The following LRP1B variants were observed in gnomAD, a reference collection of about 807,000 sequenced individuals.
LRP1B encodes low-density lipoprotein receptor-related protein 1B.
LRP1B carries 217 observed loss-of-function variants against 556.6 expected under a neutral mutation model. The observed-to-expected ratio is 0.39, with a 90% confidence interval of 0.35 to 0.44. LRP1B has a LOEUF of 0.44. LRP1B is among the 20% of genes least tolerant of loss of function. LRP1B has a pLI of 1.00. For missense variants in LRP1B, 5,053 were observed against 5,620.8 expected (o/e 0.90, Z 3.23); for synonymous variants, 2,047 against 1,865.8 (o/e 1.10, Z -2.50).
intron 1 of LRP1B, among the ~76,000 whole-genome samples, chr2:141,870,347 A>G (rs1698543414): frequency 1.3e-5 from 2 of 151,854 alleles, no homozygotes; most frequent in Admixed American, 1.3e-4. Context: ...GAGCTGCATC[A>G]TTGATTCTAG....
In LRP1B at chr2:142,130,923, G is replaced by A; in HGVS notation, c.-194C>T. The A allele has an allele frequency of 3.2e-6, 2 of 625,900 alleles. No homozygotes were observed. Among genetic ancestry groups the A allele is most frequent in the South Asian group, 3.5e-5 (2 of 56,684 alleles). 38.8% of individuals were successfully genotyped at this position (625,900 alleles called of 1,614,324 possible). On this transcript the variant is annotated 5_prime_UTR_variant, in exon 1 of 91. Transcript: ENST00000389484. ...TGCCTGGAGCAGGATGTGGAAGGTG[G>A]AGGGATGCGCGCGTGCGGGAGAGAG...
intron 2 of LRP1B, among the ~76,000 whole-genome samples, chr2:141,749,405 T>A (rs532657122): frequency 6.6e-6 from 1 of 151,948 alleles, no homozygotes; most frequent in South Asian, 2.1e-4. Flanking sequence ...AAGTCAAGAG[T>A]GCTGTCTGAT....
chr2:140,315,053 T>C lies in LRP1B; in HGVS notation c.12687A>G (p.Leu4229=). The C allele has an allele frequency of 6.2e-7, 1 of 1,611,422 alleles. No homozygotes were observed. Among genetic ancestry groups the C allele is most frequent in the Non-Finnish European group, 8.5e-7 (1 of 1,178,602 alleles). The change falls in exon 83 of 91, where the codon TTA becomes TTG. Residue 4229 remains leucine, a synonymous_variant. Coordinates refer to ENST00000389484, the MANE Select transcript of LRP1B (RefSeq NM_018557.3). ...GACACCTCAAATCACCTTTCTCATT[T>C]AAAATGCATCTTCCTCCATTTTCAC... ...LTCENGGRCI[L]NEKGDLRCHC...
intron 1 of LRP1B, among the ~76,000 whole-genome samples, chr2:142,023,058 G>A (rs1210098329): frequency 6.6e-6 from 1 of 152,180 alleles, no homozygotes; most frequent in African/African-American, 2.4e-5. Flanking sequence ...GGCTCAAACA[G>A]CTAGCACATC....
intron 1 of LRP1B, among the ~76,000 whole-genome samples, chr2:142,107,794 A>ATTTTTTTTT (rs67962280): frequency 8.9e-3 from 981 of 110,456 alleles, no homozygotes; most frequent in African/African-American, 0.012. Context: ...CGCCTAGCTA[A>ATTTTTTTTT]TTTTTTTTTT....
At chr2:141,664,446 T>C (rs1233819742) in intron 2 of LRP1B, among the ~76,000 whole-genome samples, 1 of 152,178 alleles carries the variant, frequency 6.6e-6, no homozygotes, top group Non-Finnish European at 1.5e-5. Context: ...CATGATCCTA[T>C]ATCTAGAAAA....
chr2:141,290,830 T>A (rs1256760763), intron 3 of LRP1B, among the ~76,000 whole-genome samples: 1 of 152,132 alleles, frequency 6.6e-6, no homozygotes, highest in African/African-American at 2.4e-5. Flanking sequence ...GATTAATTTC[T>A]AAGTTCACAT....
intron 1 of LRP1B, among the ~76,000 whole-genome samples, chr2:142,046,176 C>T (rs766727731): frequency 1.3e-5 from 2 of 151,886 alleles, no homozygotes; most frequent in African/African-American, 2.4e-5. Context: ...GGATGTTAGA[C>T]ACTCATTGAA....
At chr2:140,330,264 A>C (rs1427746164) in intron 79 of LRP1B, among the ~76,000 whole-genome samples, 1 of 150,602 alleles carries the variant, frequency 6.6e-6, no homozygotes, top group Non-Finnish European at 1.5e-5. Flanking sequence ...AAGAGCCCGT[A>C]TAGCTAAGAT....
chr2:140,984,110 T>C (rs1174121024), intron 17 of LRP1B, among the ~76,000 whole-genome samples: 1 of 151,850 alleles, frequency 6.6e-6, no homozygotes, highest in African/African-American at 2.4e-5. Context: ...CAAAATCTAA[T>C]GTCATTAGTT....
intron 2 of LRP1B, among the ~76,000 whole-genome samples, chr2:141,800,199 A>G (rs1695965929): frequency 6.6e-6 from 1 of 152,170 alleles, no homozygotes; most frequent in Non-Finnish European, 1.5e-5. Context: ...GTATGGCATC[A>G]TGGAAAGCAG....
At chr2:140,316,878 G>A (rs1027057509) in intron 82 of LRP1B, among the ~76,000 whole-genome samples, 3 of 152,130 alleles carry the variant, frequency 2.0e-5, no homozygotes. Flanking sequence ...GAAAGATGAA[G>A]CGCTGACAGT....
chr2:140,388,086 G>A (rs979804627), intron 66 of LRP1B, among the ~76,000 whole-genome samples: 3 of 151,834 alleles, frequency 2.0e-5, no homozygotes, highest in South Asian at 2.1e-4. Context: ...ACAGGCATTC[G>A]CCACCATACC....
At chr2:140,919,016 A>AT (rs879632663) in intron 21 of LRP1B, among the ~76,000 whole-genome samples, 7 of 151,690 alleles carry the variant, frequency 4.6e-5, no homozygotes, top group Admixed American at 2.6e-4. Context: ...TGGGAGTAAT[A>AT]TTTTTTCTTT....
At chr2:141,116,671 G>A (rs114929848) in intron 7 of LRP1B, among the ~76,000 whole-genome samples, 1,678 of 152,002 alleles carry the variant, frequency 0.011, 38 homozygotes, top group East Asian at 0.054. Flanking sequence ...AAAAATTGAC[G>A]TCTGAAGTAT....
chr2:142,076,077 A>C (rs1484481766), intron 1 of LRP1B, among the ~76,000 whole-genome samples: 1 of 152,136 alleles, frequency 6.6e-6, no homozygotes, highest in Non-Finnish European at 1.5e-5. Flanking sequence ...CAGCTCGGAC[A>C]TAAAGCACTG....
At chr2:141,976,868 A>T (rs867458238) in intron 1 of LRP1B, among the ~76,000 whole-genome samples, 9 of 152,288 alleles carry the variant, frequency 5.9e-5, no homozygotes, top group African/African-American at 1.9e-4. Context: ...TAAAATAGGA[A>T]GATAAAAGAA....
At position 141,030,751 on chromosome 2, in the gene LRP1B, C is replaced by T. The variant is rs548616784; in HGVS notation, c.1790-10649G>A. On this transcript the variant is annotated intron_variant, in intron 11 of 90. Transcript: ENST00000389484. Reference sequence around the variant, plus strand: ...TATCTAAATATAGCATACTATACTACAGTAGATGCATATTTTGATGAGAAC... The same window carrying T: ...TATCTAAATATAGCATACTATACTATAGTAGATGCATATTTTGATGAGAAC... 4.3e-3 allele frequency among the ~76,000 whole-genome samples: 654 copies of T among 152,026 alleles called. 8 individuals carry two copies. Among genetic ancestry groups the T allele is most frequent in the African/African-American group, 0.015 (631 of 41,518 alleles).
At chr2:140,538,170 A>G (rs1679998547) in intron 45 of LRP1B, among the ~76,000 whole-genome samples, 3 of 152,136 alleles carry the variant, frequency 2.0e-5, no homozygotes, top group African/African-American at 7.2e-5. Flanking sequence ...TATTATTCCT[A>G]GAATTTAATT....
Sources: allele counts gnomAD v4.1 joint callset (sites outside exome capture counted in the v4.1 genomes callset), GRCh38; gene constraint gnomAD v4.1.1; transcripts MANE v1.5; gene names NCBI Gene and HGNC (gene_info 2026-07-23, HGNC 2026-07-21).